The following SMAD2 variants were observed in gnomAD, a reference collection of about 807,000 sequenced individuals.
SMAD2 encodes MAD homolog 2.
SMAD2 carries 8 observed loss-of-function variants against 64.4 expected under a neutral mutation model. The observed-to-expected ratio is 0.12, with a 90% CI of 0.07 to 0.22. SMAD2 has a LOEUF of 0.22. Among genes scored for constraint, SMAD2 ranks in the 10% least tolerant of loss-of-function variants. The pLI is 1.00. For synonymous variants in SMAD2, 203 were observed against 195.8 expected, an observed-to-expected ratio of 1.04 and a Z score of -0.31; for missense variants, 289 against 561.2, an observed-to-expected ratio of 0.51 and a Z score of 4.90.
At position 47,831,158 on chromosome 18, in the gene SMAD2, T is replaced by G. The variant is rs553345100; in HGVS notation, c.*10669A>C. ...CTTTTAACTCCAAGCTATCTAGGCCTTGTGATTATATGTGGGCTTCATAGC... is the reference window on the plus strand; with the variant it reads ...CTTTTAACTCCAAGCTATCTAGGCCGTGTGATTATATGTGGGCTTCATAGC... On this transcript the variant is annotated 3_prime_UTR_variant, in exon 11 of 11. Transcript: ENST00000262160. The G allele has an allele frequency of 6.6e-6, 1 of 152,352 alleles. No individual in the cohort carries two copies. The highest frequency in any genetic ancestry group is 1.9e-4 in the East Asian group (1 of 5,186). 9.4% of individuals were successfully genotyped at this position (152,352 alleles called of 1,614,324 possible). A position where few individuals can be genotyped will look rare whatever the true frequency, so the allele number is the denominator to read the frequency against.
Position 47,850,077 on chromosome 18 carries a change from G to T in SMAD2, c.784+1197C>A, listed in dbSNP as rs79237189. Among the ~76,000 whole-genome samples the T allele has an allele frequency of 1.1e-4, 16 of 144,476 alleles. No individual in the cohort carries two copies. In the East Asian group the frequency reaches 2.6e-3, roughly 23 times the overall value. The allele number at this position is 144,476 out of a possible 152,430, so 94.8% of individuals were successfully genotyped here. On this transcript the variant is annotated intron_variant, in intron 7 of 10. Coordinates refer to ENST00000262160, the MANE Select transcript of SMAD2 (RefSeq NM_005901.6). The stretch of plus-strand genomic sequence containing the variant: ...CGTATTGTTATTTTCATTTTTTCCC[G>T]ATTATTTTCAATCTGCAGTTGGTTG...
chr18:47,896,690 C>G lies in SMAD2; in HGVS notation c.67G>C (p.Gly23Arg). The change falls in exon 2 of 11, where the codon GGT becomes CGT. Residue 23 changes from glycine (G) to arginine (R), a missense_variant. Gly to Arg is a moderately radical substitution (Grantham distance 125). Around this residue, in one of 6 missense-constraint regions of SMAD2, gnomAD observed 89 missense variants for 137.1 expected, o/e 0.65. Transcript: ENST00000262160. ...KRLLGWKKSA[G>R]GSGGAGGGEQ... ...CCTCCGCCTGCTCCTCCAGACCCAC[C>G]AGCTGACTTCTTCCATCCCAGCAGT... is the stretch of plus-strand genomic sequence containing the variant. 6.2e-7 allele frequency: 1 copy of G among 1,614,130 alleles called. No homozygotes were observed. The highest frequency in any genetic ancestry group is 8.5e-7 in the Non-Finnish European group (1 of 1,180,008).
chr18:47,900,959 G>A (rs1221603557), intron 1 of SMAD2, among the ~76,000 whole-genome samples: 1 of 152,108 alleles, frequency 6.6e-6, no homozygotes, highest in African/African-American at 2.4e-5. Context: ...GATATTTGCT[G>A]AGGCTTTGTT....
chr18:47,915,161 G>A (rs1312909888), intron 1 of SMAD2, among the ~76,000 whole-genome samples: 3 of 152,052 alleles, frequency 2.0e-5, no homozygotes, highest in East Asian at 1.9e-4. Flanking sequence ...AATAAGATAC[G>A]AATACAGCTA....
rs1913350945 is a variant in SMAD2, at chr18:47,835,675, T to C, written c.*6152A>G. 4 of 192,662 alleles carry C rather than the reference T, an allele frequency of 2.1e-5. No individual in the cohort carries two copies. In the East Asian group the frequency reaches 3.3e-4, roughly 16 times the overall value. 11.9% of individuals were successfully genotyped at this position (192,662 alleles called of 1,614,324 possible). A position where few individuals can be genotyped will look rare whatever the true frequency, so the allele number is the denominator to read the frequency against. On this transcript the variant is annotated 3_prime_UTR_variant, in exon 11 of 11. Transcript: ENST00000262160. ...CCTAGTGATTAACATTGTAAAATAGTCAAAAACTTTAAAGCCACAGAGAAA... is the reference window on the plus strand; with the variant it reads ...CCTAGTGATTAACATTGTAAAATAGCCAAAAACTTTAAAGCCACAGAGAAA...
chr18:47,926,910 T>C (rs1022830532), intron 1 of SMAD2, among the ~76,000 whole-genome samples: 20 of 152,190 alleles, frequency 1.3e-4, no homozygotes, highest in Non-Finnish European at 2.8e-4. Context: ...GGGTTAGTAC[T>C]TCCATTTTGT....
rs1261779763 is a variant in SMAD2, at chr18:47,837,243, G to C, written c.*4584C>G. On this transcript the variant is annotated 3_prime_UTR_variant, in exon 11 of 11. Transcript: ENST00000262160. ...CTTTTTTGTTAATAAGTTCAAAGGA[G>C]AGAAACATTCTGATATATGCAGATA... is the stretch of plus-strand genomic sequence containing the variant. 1.0e-5 allele frequency: 2 copies of C among 196,810 alleles called. No individual in the cohort carries two copies. Among genetic ancestry groups the C allele is most frequent in the Non-Finnish European group, 2.1e-5 (2 of 94,906 alleles). 12.2% of individuals were successfully genotyped at this position (196,810 alleles called of 1,614,324 possible). A position where few individuals can be genotyped will look rare whatever the true frequency, so the allele number is the denominator to read the frequency against.
chr18:47,921,293 A>G (rs1025863887), intron 1 of SMAD2, among the ~76,000 whole-genome samples: 1 of 152,236 alleles, frequency 6.6e-6, no homozygotes, highest in Non-Finnish European at 1.5e-5. Flanking sequence ...TTGTACTAAA[A>G]GGTAATATAC....
In SMAD2 at chr18:47,855,326, C is replaced by A. The variant is rs549893724; in HGVS notation, c.731-3999G>T. The stretch of plus-strand genomic sequence containing the variant: ...TAAAGCTGCTATGAACATCAATCTG[C>A]AGGTTTTTGTGTAGACCTAAGTTTT... On this transcript the variant is annotated intron_variant, in intron 6 of 10. Transcript: ENST00000262160. Among the ~76,000 whole-genome samples the A allele has an allele frequency of 2.6e-5, 4 of 152,320 alleles. No homozygotes were observed. The East Asian group carries it at 7.7e-4, about 29-fold the overall frequency.
At chr18:47,849,188 T>C (rs2144302935) in intron 7 of SMAD2, among the ~76,000 whole-genome samples, 1 of 152,234 alleles carries the variant, frequency 6.6e-6, no homozygotes, top group Non-Finnish European at 1.5e-5. Context: ...CATCAAACTC[T>C]TGGTGAGATA....
At chr18:47,907,723 A>G (rs7232764) in intron 1 of SMAD2, among the ~76,000 whole-genome samples, 87,585 of 151,966 alleles carry the variant, frequency 0.58, 25,607 homozygotes, top group East Asian at 0.8. Context: ...AGGCTGAGGC[A>G]GACAGATTGC....
chr18:47,916,731 T>C (rs1375690181), intron 1 of SMAD2, among the ~76,000 whole-genome samples: 1 of 152,212 alleles, frequency 6.6e-6, no homozygotes, highest in Non-Finnish European at 1.5e-5. Flanking sequence ...TTTTAAATCA[T>C]AATCTAGTGA....
chr18:47,900,392 T>C (rs1598862442), intron 1 of SMAD2, among the ~76,000 whole-genome samples: 1 of 152,112 alleles, frequency 6.6e-6, no homozygotes, highest in African/African-American at 2.4e-5. Context: ...GCCTATCCCA[T>C]ATTCTCCATA....
chr18:47,886,570 C>CATCTATCTATCTATCT lies in SMAD2; in HGVS notation c.236+9935_236+9950dup, dbSNP rs5824712. ...CAGAGAAACTATATCTATATCTATC[C>CATCTATCTATCTATCT]ATCTATCTATCTATCTATCTATCTA... On this transcript the variant is annotated intron_variant, in intron 2 of 10. Transcript: ENST00000262160. Among the ~76,000 whole-genome samples, 295 of 146,806 alleles carry CATCTATCTATCTATCT rather than the reference C, an allele frequency of 2.0e-3. 1 individual carries two copies. Among genetic ancestry groups the CATCTATCTATCTATCT allele is most frequent in the Admixed American group, 3.7e-3 (55 of 14,748 alleles).
At position 47,829,784 on chromosome 18, in the gene SMAD2, TTA is replaced by T. The variant is rs1912916479; in HGVS notation, c.*12041_*12042del. On this transcript the variant is annotated 3_prime_UTR_variant, in exon 11 of 11. Transcript: ENST00000262160. ...TTTACCAAATGTAGCTTTTTATGTT[TTA>T]TGTTTTACCAACAAATAATTTGTAT... 1 of 152,252 alleles carries T rather than the reference TTA, an allele frequency of 6.6e-6. No individual in the cohort carries two copies. The highest frequency in any genetic ancestry group is 2.4e-5 in the African/African-American group (1 of 41,466). 9.4% of individuals were successfully genotyped at this position (152,252 alleles called of 1,614,324 possible).
intron 2 of SMAD2, among the ~76,000 whole-genome samples, chr18:47,893,137 T>C (rs774553461): frequency 6.6e-6 from 1 of 152,254 alleles, no homozygotes; most frequent in Non-Finnish European, 1.5e-5. Context: ...AATTTTTTAT[T>C]ATTTAGCTCA....
chr18:47,871,532 T>C (rs972616943), intron 2 of SMAD2, among the ~76,000 whole-genome samples: 3 of 152,214 alleles, frequency 2.0e-5, no homozygotes, highest in Admixed American at 1.3e-4. Context: ...GCTTTAGTAC[T>C]ACAGGTGCTG....
rs1315585039 is a variant in SMAD2 at position 47,835,817 on chromosome 18, CT to C, written c.*6009del. The C allele has an allele frequency of 5.1e-6, 1 of 194,394 alleles. No individual in the cohort carries two copies. The highest frequency in any genetic ancestry group is 2.3e-5 in the African/African-American group (1 of 43,146). 12.0% of individuals were successfully genotyped at this position (194,394 alleles called of 1,614,324 possible). On this transcript the variant is annotated 3_prime_UTR_variant, in exon 11 of 11. Coordinates refer to ENST00000262160, the MANE Select transcript of SMAD2 (RefSeq NM_005901.6). Reference sequence around the variant, plus strand: ...ATTTCATTGTTCAATAAATTACCATCTTTAATTAAAAATAAGTAAATCAAAG... The same window carrying C: ...ATTTCATTGTTCAATAAATTACCATCTTAATTAAAAATAAGTAAATCAAAG...
chr18:47,857,381 T>G lies in SMAD2; in HGVS notation c.731-6054A>C, dbSNP rs190674240. Among the ~76,000 whole-genome samples the G allele has an allele frequency of 7.9e-5, 12 of 152,342 alleles. No homozygotes were observed. The East Asian group carries it at 2.3e-3, about 29-fold the overall frequency. On this transcript the variant is annotated intron_variant, in intron 6 of 10. Transcript: ENST00000262160. Reference sequence around the variant, plus strand: ...CCCAGTGCGATAGCATCTTAGGTTTTACATATTTCCAATTTTTCTATGAGA... The same window carrying G: ...CCCAGTGCGATAGCATCTTAGGTTTGACATATTTCCAATTTTTCTATGAGA...
Sources: allele counts gnomAD v4.1 joint callset (sites outside exome capture counted in the v4.1 genomes callset), GRCh38; gene constraint gnomAD v4.1.1; regional missense constraint gnomAD v4.1.1; transcripts MANE v1.5; gene names NCBI Gene and HGNC (gene_info 2026-07-23, HGNC 2026-07-21).